Variants in PCSK5 observed in about 807,000 individuals in gnomAD.
The protein encoded by PCSK5 is proprotein convertase subtilisin/kexin type 5.
Under a neutral mutation model 233.2 loss-of-function variants are expected in PCSK5, and 129 were observed. That is an observed-to-expected ratio of 0.55 (90% CI 0.48 to 0.64). The LOEUF (loss-of-function observed/expected upper bound fraction) is 0.64. PCSK5 is among the 30% of genes least tolerant of loss of function. The pLI, the probability that PCSK5 is intolerant of heterozygous loss-of-function variation, is 0.00. For missense variants in PCSK5, 2,076 were observed against 2,430.1 expected, an observed-to-expected ratio of 0.85 and a Z score of 3.06; for synonymous variants, 825 against 879.2, an observed-to-expected ratio of 0.94 and a Z score of 1.09.
intron 1 of PCSK5, among the ~76,000 whole-genome samples, chr9:75,895,915 G>A (rs1387995027): frequency 6.6e-6 from 1 of 152,218 alleles, no homozygotes; most frequent in Non-Finnish European, 1.5e-5. Flanking sequence ...CACATGGGCA[G>A]TGAATTCTGG....
chr9:76,322,631 G>A (rs894499631), intron 31 of PCSK5, among the ~76,000 whole-genome samples: 5 of 152,194 alleles, frequency 3.3e-5, no homozygotes, highest in Admixed American at 3.3e-4. Flanking sequence ...CCTGATCAAT[G>A]AATGAAAAGT....
rs1828515264 is a variant in PCSK5 at position 76,298,646 on chromosome 9, T to C, written c.3523+1781T>C. The stretch of plus-strand genomic sequence containing the variant: ...CCTACAACCTTCTCCTGACTTCTTT[T>C]GCTTAAAAAAAACAGGATCGAGAGT... On this transcript the variant is annotated intron_variant, in intron 27 of 37. Transcript: ENST00000674117. Among the ~76,000 whole-genome samples the C allele has an allele frequency of 4.1e-5, 3 of 73,720 alleles. No homozygotes were observed. In the South Asian group the frequency reaches 1.5e-3, roughly 37 times the overall value. The allele number at this position is 73,720 out of a possible 152,430, so 48.4% of individuals were successfully genotyped here.
chr9:76,335,667 G>T (rs769303096), intron 34 of PCSK5, among the ~76,000 whole-genome samples: 4 of 152,232 alleles, frequency 2.6e-5, no homozygotes, highest in Non-Finnish European at 5.9e-5. Flanking sequence ...ATTACTCCTT[G>T]ATAATTTTAA....
chr9:76,344,344 C>G (rs371296873), intron 35 of PCSK5, among the ~76,000 whole-genome samples: 1 of 4,796 alleles, frequency 2.1e-4, no homozygotes, highest in African/African-American at 3.9e-4. Context: ...CCCCTCACCA[C>G]CCACCATTCC....
At chr9:76,175,388 T>C (rs1353970415) in intron 14 of PCSK5, 7 of 520,952 alleles carry the variant, frequency 1.3e-5, no homozygotes, top group African/African-American at 1.9e-5. Context: ...TAAATATTTG[T>C]GTGTGTATAT....
chr9:76,285,976 G>A (rs184957295), intron 24 of PCSK5, among the ~76,000 whole-genome samples: 22 of 152,270 alleles, frequency 1.4e-4, no homozygotes, highest in African/African-American at 4.8e-4. Context: ...TCTGGGCTGC[G>A]ATGATTACTG....
At chr9:75,937,792 A>G (rs1467780159) in intron 2 of PCSK5, among the ~76,000 whole-genome samples, 2 of 152,188 alleles carry the variant, frequency 1.3e-5, no homozygotes, top group Non-Finnish European at 2.9e-5. Context: ...TTCACCTTGC[A>G]CTTTTATGTT....
intron 20 of PCSK5, among the ~76,000 whole-genome samples, chr9:76,224,116 A>G (rs532218884): frequency 1.5e-3 from 222 of 152,348 alleles, no homozygotes; most frequent in Non-Finnish European, 1.1e-3. Flanking sequence ...AAGGTCATGA[A>G]GTTTTCACCA....
At chr9:75,931,188 G>A (rs1037514381) in intron 1 of PCSK5, among the ~76,000 whole-genome samples, 1 of 151,358 alleles carries the variant, frequency 6.6e-6, no homozygotes, top group African/African-American at 2.4e-5. Flanking sequence ...TTGAGAACGT[G>A]ATGAACAGAA....
intron 1 of PCSK5, among the ~76,000 whole-genome samples, chr9:75,901,862 T>C (rs7034405): frequency 0.33 from 50,793 of 151,818 alleles, 9,535 homozygotes; most frequent in African/African-American, 0.5. Context: ...AAAGAAAAAA[T>C]GAACCAGTCT....
chr9:75,909,512 A>G (rs1822630385), intron 1 of PCSK5, among the ~76,000 whole-genome samples: 1 of 152,064 alleles, frequency 6.6e-6, no homozygotes. Context: ...CCTGACCAAA[A>G]TGGAGAAACT....
chr9:76,022,623 A>G (rs1256999773), intron 3 of PCSK5, among the ~76,000 whole-genome samples: 1 of 152,180 alleles, frequency 6.6e-6, no homozygotes, highest in Non-Finnish European at 1.5e-5. Flanking sequence ...CTTTAAAGGA[A>G]CAATTGTGTG....
At chr9:76,251,197 T>G (rs1269955382) in intron 24 of PCSK5, among the ~76,000 whole-genome samples, 1 of 151,764 alleles carries the variant, frequency 6.6e-6, no homozygotes, top group Non-Finnish European at 1.5e-5. Flanking sequence ...AGCCCAGGAG[T>G]TCAAAGCGGC....
intron 24 of PCSK5, among the ~76,000 whole-genome samples, chr9:76,261,951 A>G (rs1827186964): frequency 1.3e-5 from 2 of 152,186 alleles, no homozygotes; most frequent in South Asian, 4.1e-4. Context: ...TCATCTGCAA[A>G]CAGGGACAAT....
intron 4 of PCSK5, among the ~76,000 whole-genome samples, chr9:76,025,259 C>T (rs528556349): frequency 5.3e-5 from 8 of 152,108 alleles, no homozygotes; most frequent in African/African-American, 1.7e-4. Flanking sequence ...AGTATAAGAA[C>T]ATTCAGGCTA....
chr9:76,060,650 A>G (rs1829995341), intron 5 of PCSK5, among the ~76,000 whole-genome samples: 1 of 152,226 alleles, frequency 6.6e-6, no homozygotes, highest in South Asian at 2.1e-4. Flanking sequence ...GTATCACTGT[A>G]ATCATAAGAA....
At chr9:75,903,600 A>T (rs1375267319) in intron 1 of PCSK5, among the ~76,000 whole-genome samples, 1 of 133,600 alleles carries the variant, frequency 7.5e-6, no homozygotes, top group African/African-American at 3.1e-5. Context: ...AATATATATT[A>T]TATATATATA....
chr9:76,175,046 C>G lies in PCSK5; in HGVS notation c.1817C>G (p.Thr606Ser). The change falls in exon 14 of 38, where the codon ACC (threonine) becomes AGC (serine). Residue 606 changes from threonine (T) to serine (S), a missense_variant. Thr to Ser is a moderately conservative substitution (Grantham distance 58). Coordinates refer to ENST00000674117, the MANE Select transcript of PCSK5 (RefSeq NM_001372043.1). ...ACCTCCGTGCAGCCATATTCACCAA[C>G]CAATGAATTTCCGAAAGTGGAACGG... is the stretch of plus-strand genomic sequence containing the variant. ...YGTSVQPYSP[T>S]NEFPKVERFR... The G allele has an allele frequency of 6.2e-7, 1 of 1,613,976 alleles. No individual in the cohort carries two copies. The highest frequency in any genetic ancestry group is 1.1e-5 in the South Asian group (1 of 91,076).
chr9:75,891,565 CCCA>C (rs1271194648), intron 1 of PCSK5, among the ~76,000 whole-genome samples, 192 bp downstream of exon 1: 45 of 146,508 alleles, frequency 3.1e-4, no homozygotes, highest in Non-Finnish European at 5.7e-4. Context: ...ACACACACAC[CCCA>C]GAGTTGCCGG....
Sources: allele counts gnomAD v4.1 joint callset (sites outside exome capture counted in the v4.1 genomes callset), GRCh38; gene constraint gnomAD v4.1.1; transcripts MANE v1.5; gene names NCBI Gene and HGNC (gene_info 2026-07-23, HGNC 2026-07-21).